The following SERPINB4 variants were observed in gnomAD, a reference collection of about 807,000 sequenced individuals.
SERPINB4 encodes the protein serpin family B member 4.
Under a neutral mutation model 33.2 loss-of-function variants are expected in SERPINB4, and 39 were observed. That is an observed-to-expected ratio of 1.18 (90% CI 0.91 to 1.53). The LOEUF (loss-of-function observed/expected upper bound fraction) is 1.53. Among genes scored for constraint, SERPINB4 ranks in the 40% most tolerant of loss-of-function variants. SERPINB4 has a pLI of 0.00. For synonymous variants in SERPINB4, 191 were observed against 166.4 expected, an observed-to-expected ratio of 1.15 and a Z score of -1.14; for missense variants, 564 against 455.4, an observed-to-expected ratio of 1.24 and a Z score of -2.17.
intron 1 of SERPINB4, 149 bp from the exon 2 acceptor site, chr18:63,643,752 C>G: frequency 1.2e-6 from 1 of 845,896 alleles, no homozygotes; most frequent in Non-Finnish European, 1.8e-6. Context: ...AATCTTTCTA[C>G]AATGTGCATA....
At chr18:63,642,598 C>T (rs1469713206) in intron 3 of SERPINB4, among the ~76,000 whole-genome samples, 1 of 152,078 alleles carries the variant, frequency 6.6e-6, no homozygotes, top group Non-Finnish European at 1.5e-5. Context: ...ACTATTAAGG[C>T]TCTAAACCAA....
intron 7 of SERPINB4, among the ~76,000 whole-genome samples, chr18:63,638,703 A>G (rs1913022200): frequency 6.6e-6 from 1 of 151,156 alleles, no homozygotes; most frequent in Non-Finnish European, 1.5e-5. Context: ...TGTAACTCTA[A>G]TAAATTAATC....
In SERPINB4 at chr18:63,637,853, T is replaced by A. The variant is rs778590659; in HGVS notation, c.1039A>T (p.Thr347Ser). 6.2e-7 allele frequency: 1 copy of A among 1,613,542 alleles called. No individual in the cohort carries two copies. The highest frequency in any genetic ancestry group is 2.2e-5 in the East Asian group (1 of 44,862). The change falls in exon 8 of 8, where the codon ACC (threonine) becomes TCC (serine). Residue 347 changes from threonine (T) to serine (S), a missense_variant. Coordinates refer to ENST00000341074, the MANE Select transcript of SERPINB4 (RefSeq NM_002974.4). ...GATAATTCGACTACTACTACAGCGG[T>A]GGCAGCTGCAGCTTCCACTCCCTCC... is the stretch of plus-strand genomic sequence containing the variant. ...TEEGVEAAAATAVVVVELSSP... is the reference protein window; with the variant it reads ...TEEGVEAAAASAVVVVELSSP...
Position 63,637,842 on chromosome 18 carries a change from T to TA in SERPINB4, c.1049dup (p.Val351SerfsTer10). On this transcript the variant is annotated frameshift_variant, in exon 8 of 8. Transcript: ENST00000341074. LOFTEE classifies it low-confidence loss of function (END_TRUNC). ...TTGAAGGAGATGATAATTCGACTAC[T>TA]ACTACAGCGGTGGCAGCTGCAGCTT... 6.2e-7 allele frequency: 1 copy of TA among 1,613,616 alleles called. No individual in the cohort carries two copies. Among genetic ancestry groups the TA allele is most frequent in the Non-Finnish European group, 8.5e-7 (1 of 1,179,734 alleles).
chr18:63,638,368 AT>A (rs1345205504), intron 7 of SERPINB4, among the ~76,000 whole-genome samples: 2 of 152,132 alleles, frequency 1.3e-5, no homozygotes, highest in African/African-American at 4.8e-5. Flanking sequence ...ACGTATATGT[AT>A]ATGTGTACAT....
Position 63,641,833 on chromosome 18 carries a change from T to C in SERPINB4, c.278A>G (p.Asn93Ser). ...CAGCTCATATGCATCAGTGGATTTG[T>C]TGAATTCAGTCAGAAGCTTTTGAAA... ...HQFQKLLTEF[N>S]KSTDAYELKI... Residue 93 changes from asparagine (N) to serine (S), a missense_variant, in exon 4 of 8, where the codon AAC (asparagine) becomes AGC (serine). Transcript: ENST00000341074. The C allele has an allele frequency of 1.9e-6, 3 of 1,613,436 alleles. No homozygotes were observed. The highest frequency in any genetic ancestry group is 8.5e-7 in the Non-Finnish European group (1 of 1,179,544).
At position 63,639,659 on chromosome 18, in the gene SERPINB4, T is replaced by G. The variant is rs751311147; in HGVS notation, c.587A>C (p.Lys196Thr). The change falls in exon 6 of 8, where the codon AAA becomes ACA. Residue 196 changes from lysine to threonine, a missense_variant. Coordinates refer to ENST00000341074, the MANE Select transcript of SERPINB4 (RefSeq NM_002974.4). ...WENKFKKENT[K>T]EEKFWPNKNT... Reference sequence around the variant, plus strand: ...CTTGTTTGGCCAAAATTTTTCCTCTTTAGTGTTTTCTTTTTTAAATTTATT... The same window carrying G: ...CTTGTTTGGCCAAAATTTTTCCTCTGTAGTGTTTTCTTTTTTAAATTTATT... The G allele has an allele frequency of 1.5e-5, 24 of 1,608,788 alleles. No individual in the cohort carries two copies. The highest frequency in any genetic ancestry group is 2.0e-5 in the Non-Finnish European group (23 of 1,176,024).
intron 5 of SERPINB4, 85 bp downstream of exon 5, chr18:63,640,789 C>T: frequency 8.6e-7 from 1 of 1,167,776 alleles, no homozygotes; most frequent in African/African-American, 1.5e-5. Context: ...TCAATCCCCA[C>T]ACCTGTTCCC....
chr18:63,639,559 G>A, intron 6 of SERPINB4, 75 bp downstream of exon 6: 1 of 1,120,848 alleles, frequency 8.9e-7, no homozygotes, highest in Non-Finnish European at 1.3e-6. Context: ...TACTTATCAT[G>A]TTACATTCCA....
intron 1 of SERPINB4, 133 bp from the exon 2 acceptor site, chr18:63,643,736 C>A: frequency 4.1e-6 from 4 of 974,444 alleles, no homozygotes; most frequent in Non-Finnish European, 6.1e-6. Context: ...TTATTTTTAA[C>A]GCTTCAATCT....
chr18:63,637,871 C>T lies in SERPINB4; in HGVS notation c.1021G>A (p.Val341Met), dbSNP rs1464305635. ...ACAGCGGTGGCAGCTGCAGCTTCCA[C>T]TCCCTCCTCAGTGACCTCCACAAAG... is the stretch of plus-strand genomic sequence containing the variant. ...KAFVEVTEEGVEAAAATAVVV... is the reference protein window; with the variant it reads ...KAFVEVTEEGMEAAAATAVVV... Residue 341 changes from valine (V) to methionine (M), a missense_variant, in exon 8 of 8, where the codon GTG becomes ATG. Val to Met is a conservative substitution (Grantham distance 21). Coordinates refer to ENST00000341074, the MANE Select transcript of SERPINB4 (RefSeq NM_002974.4). 6 of 1,613,454 alleles carry T rather than the reference C, an allele frequency of 3.7e-6. No individual in the cohort carries two copies. In the Admixed American group the frequency reaches 5.0e-5, roughly 13 times the overall value.
intron 6 of SERPINB4, 114 bp downstream of exon 6, chr18:63,639,520 A>T (rs1016541693): frequency 1.5e-5 from 15 of 1,020,876 alleles, no homozygotes; most frequent in Non-Finnish European, 2.1e-5. Context: ...AAAACAACAA[A>T]ATAACAGACA....
intron 7 of SERPINB4, among the ~76,000 whole-genome samples, chr18:63,638,771 T>C (rs1031211083): frequency 5.4e-5 from 7 of 130,224 alleles, no homozygotes; most frequent in African/African-American, 1.8e-4. Flanking sequence ...ATGAGAACAC[T>C]TGGACACAGG....
At chr18:63,638,242 T>C (rs1482974512) in intron 7 of SERPINB4, 119 bp from the exon 8 acceptor site, 4 of 1,145,996 alleles carry the variant, frequency 3.5e-6, no homozygotes, top group East Asian at 5.1e-5. Flanking sequence ...TACAGAAGGT[T>C]CACTTTAATA....
rs1299853521 is a variant in SERPINB4, at chr18:63,643,416, G to C, written c.162C>G (p.Ser54Arg). The C allele has an allele frequency of 5.6e-6, 9 of 1,613,490 alleles. No individual in the cohort carries two copies. Among genetic ancestry groups the C allele is most frequent in the Admixed American group, 3.3e-5 (2 of 59,948 alleles). ...GAKDNTAQQI[S>R]KVLHFDQVTE... ...ACGTAATGATGCTGATAGCTACCTT[G>C]CTAATTTGTTGTGCAGTGTTGTCTT... is the stretch of plus-strand genomic sequence containing the variant. Residue 54 changes from serine (S) to arginine (R), a missense_variant, in exon 2 of 8, where the codon AGC becomes AGG. Physicochemically the swap from Ser to Arg is moderately radical, Grantham distance 110. Transcript: ENST00000341074.
chr18:63,639,452 C>T (rs1365758237), intron 6 of SERPINB4, 112 bp from the exon 7 acceptor site: 1 of 1,186,334 alleles, frequency 8.4e-7, no homozygotes, highest in African/African-American at 1.5e-5. Context: ...CCCAGGAATT[C>T]CATGAGTTAG....
chr18:63,641,367 G>A (rs561737419), intron 4 of SERPINB4, among the ~76,000 whole-genome samples: 110 of 151,936 alleles, frequency 7.2e-4, no homozygotes, highest in Non-Finnish European at 1.5e-3. Context: ...AATATTTCCT[G>A]GTACTTCCTC....
chr18:63,642,081 ATTC>A (rs1205849369), intron 3 of SERPINB4, among the ~76,000 whole-genome samples, 193 bp from the exon 4 acceptor site: 2 of 152,054 alleles, frequency 1.3e-5, no homozygotes, highest in Admixed American at 1.3e-4. Flanking sequence ...CTTCCAGAAA[ATTC>A]TTCTTGCTCT....
intron 7 of SERPINB4, among the ~76,000 whole-genome samples, chr18:63,638,381 T>A (rs1176921101): frequency 2.0e-5 from 3 of 152,212 alleles, no homozygotes; most frequent in Admixed American, 1.3e-4. Flanking sequence ...TGTGTACATA[T>A]GTATGTATAC....
Sources: gnomAD v4.1 joint callset for allele counts (sites outside exome capture counted in the v4.1 genomes callset) on GRCh38, gnomAD v4.1.1 for gene constraint, MANE v1.5 for transcripts, NCBI Gene and HGNC (gene_info 2026-07-23, HGNC 2026-07-21) for gene names.